The following TBC1D32 variants were observed in gnomAD, a reference collection of about 807,000 sequenced individuals.
TBC1D32 encodes TBC1 domain family member 32, also known as protein broad-minded.
TBC1D32 carries 151 observed loss-of-function variants against 170.3 expected under a neutral mutation model. The ratio of observed to expected loss-of-function variants is 0.89; its 90% CI spans 0.78 to 1.01. TBC1D32 has a LOEUF of 1.01. TBC1D32 is among the 50% of genes least tolerant of loss of function. The pLI, the probability that TBC1D32 is intolerant of heterozygous loss-of-function variation, is 0.00. For missense variants in TBC1D32, 1,464 were observed against 1,457.1 expected (o/e 1.00, Z -0.08); for synonymous variants, 498 against 488.0 (o/e 1.02, Z -0.27).
chr6:121,267,305 G>A lies in TBC1D32; in HGVS notation c.1734-11020C>T, dbSNP rs146844897. 8.9e-3 allele frequency among the ~76,000 whole-genome samples: 1,348 copies of A among 152,224 alleles called. 26 individuals are homozygous for A. The highest frequency in any genetic ancestry group is 0.031 in the African/African-American group (1,274 of 41,528). Reference sequence around the variant, plus strand: ...GGGTGCAGCCCATGGAGTGTGAACCGAAGCAGGGCGGGGCATCGCCTTGAA... The same window carrying A: ...GGGTGCAGCCCATGGAGTGTGAACCAAAGCAGGGCGGGGCATCGCCTTGAA... On this transcript the variant is annotated intron_variant, in intron 15 of 31. Coordinates refer to ENST00000398212, the MANE Select transcript of TBC1D32 (RefSeq NM_152730.6).
At chr6:121,117,239 G>A (rs1296177092) in intron 26 of TBC1D32, among the ~76,000 whole-genome samples, 2 of 152,140 alleles carry the variant, frequency 1.3e-5, no homozygotes, top group Non-Finnish European at 2.9e-5. Flanking sequence ...GGAGGTGTTG[G>A]CATACCAAAA....
At chr6:121,122,550 G>C (rs1273723) in intron 26 of TBC1D32, among the ~76,000 whole-genome samples, 144,151 of 151,842 alleles carry the variant, frequency 0.95, 68,834 homozygotes, top group Non-Finnish European at 1. Flanking sequence ...CCCTGCTGAA[G>C]TGTGGTAAAA....
At chr6:121,265,784 T>C (rs138333099) in intron 15 of TBC1D32, among the ~76,000 whole-genome samples, 2 of 152,198 alleles carry the variant, frequency 1.3e-5, no homozygotes, top group Non-Finnish European at 2.9e-5. Context: ...TCTACAACCA[T>C]TTGATCTTTG....
At chr6:121,234,770 T>G (rs1386748255) in intron 20 of TBC1D32, among the ~76,000 whole-genome samples, 2 of 152,110 alleles carry the variant, frequency 1.3e-5, no homozygotes, top group African/African-American at 4.8e-5. Context: ...GTATGATCAT[T>G]TGGGAGTGTT....
chr6:121,160,795 G>C (rs1383382998), intron 23 of TBC1D32, among the ~76,000 whole-genome samples, 153 bp downstream of exon 23: 1 of 152,164 alleles, frequency 6.6e-6, no homozygotes, highest in Non-Finnish European at 1.5e-5. Flanking sequence ...TAGTTTGAAA[G>C]TATTTATTTG....
intron 20 of TBC1D32, among the ~76,000 whole-genome samples, chr6:121,233,059 T>C (rs1423014520): frequency 6.6e-6 from 1 of 152,148 alleles, no homozygotes; most frequent in Non-Finnish European, 1.5e-5. Flanking sequence ...TATTCCACTG[T>C]GGTCTGAGAG....
chr6:121,213,296 G>A (rs564317165), intron 21 of TBC1D32, among the ~76,000 whole-genome samples: 7 of 151,866 alleles, frequency 4.6e-5, no homozygotes, highest in Middle Eastern at 3.4e-3. Flanking sequence ...TATATCTAGA[G>A]AACCCCACAG....
chr6:121,291,209 G>T (rs954435666), intron 12 of TBC1D32, among the ~76,000 whole-genome samples: 10 of 151,920 alleles, frequency 6.6e-5, no homozygotes, highest in African/African-American at 2.2e-4. Context: ...GTACAGTTTA[G>T]GCGGTGATCA....
upstream of TBC1D32, chr6:121,334,561 G>A: frequency 7.3e-6 from 8 of 1,089,356 alleles, no homozygotes; most frequent in East Asian, 2.6e-5. Flanking sequence ...CGCGGCGAGC[G>A]CCTGTGCCTG....
Position 121,115,187 on chromosome 6 carries a change from A to G in TBC1D32, c.3038T>C (p.Ile1013Thr), listed in dbSNP as rs1486711306. 3.1e-6 allele frequency: 5 copies of G among 1,598,842 alleles called. No individual in the cohort carries two copies. The highest frequency in any genetic ancestry group is 4.3e-6 in the Non-Finnish European group (5 of 1,171,324). Residue 1013 changes from isoleucine (I) to threonine (T), a missense_variant, in exon 27 of 32, where the codon ATT becomes ACT. Around this residue, in one of 3 missense-constraint regions of TBC1D32, gnomAD observed 1,363 missense variants for 1,338.1 expected, o/e 1.02. Transcript: ENST00000398212. ...TATAATATACCTGACAGTCATTTTAATGCCAAGCTGCTGCACAGATGAAAG... is the reference window on the plus strand; with the variant it reads ...TATAATATACCTGACAGTCATTTTAGTGCCAAGCTGCTGCACAGATGAAAG... Reference protein sequence around the residue: ...ESLSSVQQLGIKMTVRYGKFL... With the variant: ...ESLSSVQQLGTKMTVRYGKFL...
At position 121,281,561 on chromosome 6, in the gene TBC1D32, A is replaced by C. The variant is rs569558097; in HGVS notation, c.1591T>G (p.Leu531Val). 1.7e-5 allele frequency: 28 copies of C among 1,605,374 alleles called. No individual in the cohort carries two copies. The highest frequency in any genetic ancestry group is 2.2e-5 in the Non-Finnish European group (26 of 1,175,526). The change falls in exon 14 of 32, where the codon TTA (leucine) becomes GTA (valine). Residue 531 changes from leucine to valine, a missense_variant. By Grantham distance (32) the Leu-to-Val change is conservative. Coordinates refer to ENST00000398212, the MANE Select transcript of TBC1D32 (RefSeq NM_152730.6). ...ATACGAACCTCATTTCCTTTCATTA[A>C]ATTGTGAATAGGCTGAAGAAGTGTC... ...IETLLQPIHN[L>V]MKGNEASPNC...
rs1779571159 is a variant in TBC1D32 at position 121,115,167 on chromosome 6, T to C, written c.3053+5A>G. ...GCACAAGGGAGCTATTTCCCTATAA[T>C]ATACCTGACAGTCATTTTAATGCCA... On this transcript the variant is annotated splice_donor_5th_base_variant and intron_variant, in intron 27 of 31. Transcript: ENST00000398212. The C allele has an allele frequency of 2.5e-6, 4 of 1,589,628 alleles. No individual in the cohort carries two copies. Among genetic ancestry groups the C allele is most frequent in the Non-Finnish European group, 3.4e-6 (4 of 1,166,044 alleles).
chr6:121,172,318 A>T (rs532017620), intron 22 of TBC1D32, among the ~76,000 whole-genome samples: 3 of 152,290 alleles, frequency 2.0e-5, no homozygotes, highest in South Asian at 4.1e-4. Flanking sequence ...CAGGCTAAGG[A>T]GTTACAATGT....
rs1789694492 is a variant in TBC1D32 at position 121,189,753 on chromosome 6, T to C, written c.2570+15322A>G. Among the ~76,000 whole-genome samples the C allele has an allele frequency of 2.0e-5, 3 of 152,026 alleles. No homozygotes were observed. In the South Asian group the frequency reaches 6.2e-4, roughly 32 times the overall value. On this transcript the variant is annotated intron_variant, in intron 22 of 31. Coordinates refer to ENST00000398212, the MANE Select transcript of TBC1D32 (RefSeq NM_152730.6). ...CCTAGTTATAATCAAAAGAGCAGTC[T>C]AAGGACAAGATATACATATACCAGC...
intron 15 of TBC1D32, among the ~76,000 whole-genome samples, chr6:121,268,134 T>TA (rs199870558): frequency 0.033 from 4,981 of 151,998 alleles, 195 homozygotes; most frequent in East Asian, 0.12. Flanking sequence ...AAAAGGTAGA[T>TA]AAAATCACAA....
At chr6:121,131,879 T>C in intron 24 of TBC1D32, 127 bp from the exon 25 acceptor site, 1 of 597,212 alleles carries the variant, frequency 1.7e-6, no homozygotes, top group Non-Finnish European at 2.7e-6. Context: ...GGAAAACAGA[T>C]ATTCTTCTGT....
At chr6:121,133,375 T>C (rs1781657979) in intron 24 of TBC1D32, among the ~76,000 whole-genome samples, 1 of 151,972 alleles carries the variant, frequency 6.6e-6, no homozygotes, top group Non-Finnish European at 1.5e-5. Context: ...ACAGAAGTCC[T>C]CCTGTGTGGA....
chr6:121,321,670 C>CA lies in TBC1D32; in HGVS notation c.279dup (p.Val94CysfsTer6), dbSNP rs769417201. ...TGAGTTCTTTTAGTGACCTGCTGTACAACTGTATCATAGCCGCATTCTTCA... is the reference window on the plus strand; with the variant it reads ...TGAGTTCTTTTAGTGACCTGCTGTACAAACTGTATCATAGCCGCATTCTTCA... On this transcript the variant is annotated frameshift_variant, in exon 2 of 32. Transcript: ENST00000398212. LOFTEE classifies it high-confidence loss of function. The CA allele has an allele frequency of 6.2e-7, 1 of 1,613,678 alleles. No homozygotes were observed. Among genetic ancestry groups the CA allele is most frequent in the Non-Finnish European group, 8.5e-7 (1 of 1,179,898 alleles).
intron 20 of TBC1D32, among the ~76,000 whole-genome samples, chr6:121,236,126 T>C (rs1454849551): frequency 8.6e-6 from 1 of 116,642 alleles, no homozygotes; most frequent in African/African-American, 2.6e-5. Flanking sequence ...GTGTTTTTAT[T>C]TTTGTTTTTT....
Sources: gnomAD v4.1 joint callset for allele counts (sites outside exome capture counted in the v4.1 genomes callset) on GRCh38, gnomAD v4.1.1 for gene constraint, gnomAD v4.1.1 regional missense constraint, MANE v1.5 for transcripts, NCBI Gene and HGNC (gene_info 2026-07-23, HGNC 2026-07-21) for gene names.